The following AGBL4 variants were observed in gnomAD, a reference collection of about 807,000 sequenced individuals.
AGBL4 encodes the protein AGBL carboxypeptidase 4.
Under a neutral mutation model 66.4 loss-of-function variants are expected in AGBL4, and 58 were observed. The ratio of observed to expected loss-of-function variants is 0.87; its 90% CI spans 0.71 to 1.09. The LOEUF (loss-of-function observed/expected upper bound fraction) is 1.09, where lower values mean the gene tolerates loss of function less well. Ranked by LOEUF, AGBL4 falls within the 50% of genes least tolerant of loss-of-function variation. The pLI is 0.00. For missense variants in AGBL4, 579 were observed against 631.0 expected, an observed-to-expected ratio of 0.92 and a Z score of 0.88; for synonymous variants, 234 against 222.9, an observed-to-expected ratio of 1.05 and a Z score of -0.44.
intron 11 of AGBL4, among the ~76,000 whole-genome samples, chr1:48,559,765 T>C (rs1644369600): frequency 6.6e-6 from 1 of 152,078 alleles, no homozygotes; most frequent in Non-Finnish European, 1.5e-5. Context: ...CTTAATCCTA[T>C]ACCATTCCCC....
At chr1:48,887,661 G>C (rs752039606) in intron 5 of AGBL4, among the ~76,000 whole-genome samples, 9 of 152,088 alleles carry the variant, frequency 5.9e-5, no homozygotes, top group Non-Finnish European at 1.2e-4. Flanking sequence ...TAACACCCTT[G>C]GCCTAAACTC....
At chr1:49,610,364 C>T (rs1409266606) in intron 3 of AGBL4, among the ~76,000 whole-genome samples, 2 of 152,094 alleles carry the variant, frequency 1.3e-5, no homozygotes, top group African/African-American at 2.4e-5. Flanking sequence ...TTAACTCAAA[C>T]GTAGACTTTT....
At chr1:49,285,939 T>G (rs1557805023) in intron 3 of AGBL4, among the ~76,000 whole-genome samples, 2 of 152,212 alleles carry the variant, frequency 1.3e-5, no homozygotes, top group African/African-American at 2.4e-5. Context: ...ATATCCTTGA[T>G]GAACATTGAT....
chr1:49,705,965 T>C (rs1051752229), intron 2 of AGBL4, among the ~76,000 whole-genome samples: 2 of 152,202 alleles, frequency 1.3e-5, no homozygotes, highest in Non-Finnish European at 2.9e-5. Flanking sequence ...ATTGAGGATT[T>C]TCCCATCTAT....
intron 5 of AGBL4, among the ~76,000 whole-genome samples, chr1:48,877,075 A>G (rs1314166029): frequency 1.3e-5 from 2 of 152,180 alleles, no homozygotes; most frequent in Non-Finnish European, 1.5e-5. Flanking sequence ...ACAGAAGGAA[A>G]GGGATCTGCT....
At chr1:49,216,396 C>T (rs778471934) in intron 4 of AGBL4, among the ~76,000 whole-genome samples, 3 of 151,592 alleles carry the variant, frequency 2.0e-5, no homozygotes, top group African/African-American at 7.3e-5. Flanking sequence ...AGTTTTCAAC[C>T]CTTTCCCTAC....
chr1:48,770,430 T>G (rs1055609605), intron 6 of AGBL4, among the ~76,000 whole-genome samples: 19 of 152,334 alleles, frequency 1.2e-4, no homozygotes, highest in African/African-American at 4.6e-4. Context: ...TCTGTTAGAC[T>G]AGGAAGGCTG....
chr1:49,430,952 T>C (rs1468745394), intron 3 of AGBL4, among the ~76,000 whole-genome samples: 2 of 152,220 alleles, frequency 1.3e-5, no homozygotes, highest in African/African-American at 4.8e-5. Context: ...ATCTATATTG[T>C]TGCACATAGG....
chr1:49,471,977 T>A (rs147353292), intron 3 of AGBL4: 1 of 152,082 alleles, frequency 6.6e-6, no homozygotes, highest in East Asian at 1.9e-4. Flanking sequence ...AAATGTGGGG[T>A]ACCAGAACTT....
intron 6 of AGBL4, among the ~76,000 whole-genome samples, chr1:48,737,477 C>A (rs1012001451): frequency 1.3e-5 from 2 of 152,094 alleles, no homozygotes; most frequent in Non-Finnish European, 2.9e-5. Flanking sequence ...CAGTCCTTTC[C>A]CACCTCTGAG....
At chr1:48,814,638 A>G (rs1293672899) in intron 6 of AGBL4, among the ~76,000 whole-genome samples, 4 of 145,052 alleles carry the variant, frequency 2.8e-5, no homozygotes, top group African/African-American at 1.0e-4. Context: ...TAGCATCCAC[A>G]TATGAGTGAG....
chr1:48,827,063 G>A (rs1646441907), intron 6 of AGBL4, among the ~76,000 whole-genome samples: 1 of 152,084 alleles, frequency 6.6e-6, no homozygotes, highest in African/African-American at 2.4e-5. Context: ...TCAAGATTCT[G>A]GACAAATGCT....
intron 3 of AGBL4, among the ~76,000 whole-genome samples, chr1:49,560,369 T>G (rs574454774): frequency 5.3e-5 from 8 of 151,932 alleles, no homozygotes; most frequent in Admixed American, 2.0e-4. Context: ...ATAGAAGAAT[T>G]GATAAAGCAA....
chr1:50,002,359 CTTTTTTTTTTTTTT>C (rs372960346), intron 1 of AGBL4, among the ~76,000 whole-genome samples: 17 of 96,028 alleles, frequency 1.8e-4, no homozygotes, highest in African/African-American at 3.6e-4. Context: ...TGCCCTAGTT[CTTTTTTTTTTTTTT>C]TTTTTTTTTT....
At chr1:49,371,418 T>A (rs1205201450) in intron 3 of AGBL4, among the ~76,000 whole-genome samples, 1 of 152,176 alleles carries the variant, frequency 6.6e-6, no homozygotes, top group Non-Finnish European at 1.5e-5. Flanking sequence ...CAACTGTACA[T>A]ACGTCACACA....
intron 5 of AGBL4, among the ~76,000 whole-genome samples, chr1:48,935,113 A>C (rs1006355631): frequency 3.9e-5 from 6 of 152,202 alleles, no homozygotes; most frequent in African/African-American, 1.4e-4. Context: ...ATTTGTACCA[A>C]TGTCTACTGT....
intron 1 of AGBL4, among the ~76,000 whole-genome samples, chr1:50,022,501 G>A (rs1174804789): frequency 6.6e-6 from 1 of 152,060 alleles, no homozygotes; most frequent in Non-Finnish European, 1.5e-5. Flanking sequence ...GAGGTGCCAT[G>A]AAAGAAAGAG....
In AGBL4 at chr1:49,984,717, C is replaced by G. The variant is rs191191344; in HGVS notation, c.34+39046G>C. Among the ~76,000 whole-genome samples the G allele has an allele frequency of 6.6e-5, 10 of 152,204 alleles. No individual in the cohort carries two copies. In the East Asian group the frequency reaches 1.9e-3, roughly 29 times the overall value. ...TTTATAAAGACTTTGTGATTTTTTACAGTTAACAATTGAAACCAACAGAAA... is the reference window on the plus strand; with the variant it reads ...TTTATAAAGACTTTGTGATTTTTTAGAGTTAACAATTGAAACCAACAGAAA... On this transcript the variant is annotated intron_variant, in intron 1 of 13. Transcript: ENST00000371839.
intron 2 of AGBL4, among the ~76,000 whole-genome samples, chr1:49,769,746 C>G (rs1268870217): frequency 2.0e-5 from 3 of 152,174 alleles, no homozygotes; most frequent in Non-Finnish European, 4.4e-5. Flanking sequence ...GGTGGGATAA[C>G]TGGCTATCCA....
Sources: allele counts gnomAD v4.1 joint callset (sites outside exome capture counted in the v4.1 genomes callset), GRCh38; gene constraint gnomAD v4.1.1; transcripts MANE v1.5; gene names NCBI Gene and HGNC (gene_info 2026-07-23, HGNC 2026-07-21).